DOCK3: variants seen among roughly 807,000 people sequenced by gnomAD.
The protein encoded by DOCK3 is dedicator of cytokinesis 3, also known as dedicator of cytokinesis protein 3.
A neutral mutation model predicts 265.6 loss-of-function variants in DOCK3; 60 were observed. The ratio of observed to expected loss-of-function variants is 0.23; its 90% CI spans 0.18 to 0.28. The LOEUF (loss-of-function observed/expected upper bound fraction) is 0.28. Ranked by LOEUF, DOCK3 falls within the 10% of genes least tolerant of loss-of-function variation. The pLI is 1.00. For missense variants in DOCK3, 1,981 were observed against 2,594.3 expected (o/e 0.76, Z 5.14); for synonymous variants, 881 against 938.0 (o/e 0.94, Z 1.11).
chr3:51,260,060 A>G, intron 22 of DOCK3, 96 bp from the exon 23 acceptor site: 3 of 1,261,624 alleles, frequency 2.4e-6, no homozygotes, highest in South Asian at 1.7e-5. Flanking sequence ...TGATTTTGGT[A>G]TAGAAACTGC....
At chr3:50,850,485 C>T (rs1158861853) in intron 3 of DOCK3, among the ~76,000 whole-genome samples, 2 of 152,004 alleles carry the variant, frequency 1.3e-5, no homozygotes, top group African/African-American at 4.8e-5. Context: ...TCTGTCATTT[C>T]TGAGTCTCCA....
At chr3:50,846,561 A>G (rs2046091968) in intron 3 of DOCK3, among the ~76,000 whole-genome samples, 1 of 152,138 alleles carries the variant, frequency 6.6e-6, no homozygotes, top group Admixed American at 6.5e-5. Context: ...GATGTTTTGG[A>G]ATAGTTTCAG....
At chr3:50,803,969 C>T (rs2043232189) in intron 2 of DOCK3, among the ~76,000 whole-genome samples, 1 of 152,046 alleles carries the variant, frequency 6.6e-6, no homozygotes, top group African/African-American at 2.4e-5. Flanking sequence ...CAGAGGGGCT[C>T]CTCACTTCTC....
At chr3:51,193,492 G>A (rs1236006557) in intron 12 of DOCK3, among the ~76,000 whole-genome samples, 1 of 152,082 alleles carries the variant, frequency 6.6e-6, no homozygotes, top group Non-Finnish European at 1.5e-5. Flanking sequence ...AAGACAATTG[G>A]TATTAGTTCT....
intron 5 of DOCK3, among the ~76,000 whole-genome samples, chr3:50,983,066 TCA>T (rs2077755297): frequency 6.6e-6 from 1 of 152,196 alleles, no homozygotes; most frequent in South Asian, 2.1e-4. Flanking sequence ...CCAGGCACTG[TCA>T]CAGCCCAGCC....
At chr3:50,959,119 A>C (rs1395506919) in intron 5 of DOCK3, among the ~76,000 whole-genome samples, 1 of 152,074 alleles carries the variant, frequency 6.6e-6, no homozygotes, top group Non-Finnish European at 1.5e-5. Context: ...GTAGATTTAC[A>C]TTTTCTGTGC....
chr3:51,107,202 C>A (rs762548548), intron 9 of DOCK3, among the ~76,000 whole-genome samples: 3 of 152,006 alleles, frequency 2.0e-5, no homozygotes, highest in African/African-American at 7.3e-5. Flanking sequence ...GAAAAAAAAA[C>A]CATCCAAAGG....
intron 9 of DOCK3, among the ~76,000 whole-genome samples, chr3:51,140,760 A>G (rs1451980812): frequency 1.3e-5 from 2 of 152,222 alleles, no homozygotes; most frequent in East Asian, 3.9e-4. Flanking sequence ...GTCAGCACTT[A>G]TGATTATCTA....
chr3:51,035,153 A>AT (rs1370055681), intron 5 of DOCK3, among the ~76,000 whole-genome samples: 2 of 152,028 alleles, frequency 1.3e-5, no homozygotes, highest in Non-Finnish European at 2.9e-5. Context: ...ATATTGGGAA[A>AT]TTGTCATTAT....
At chr3:50,952,199 A>G (rs1222107898) in intron 5 of DOCK3, among the ~76,000 whole-genome samples, 2 of 152,170 alleles carry the variant, frequency 1.3e-5, no homozygotes, top group Admixed American at 6.6e-5. Context: ...TGACAGCAGC[A>G]TATTAAAAAG....
chr3:50,745,890 C>A lies in DOCK3; in HGVS notation c.38-32785C>A, dbSNP rs752634380. Among the ~76,000 whole-genome samples, 4 of 152,114 alleles carry A rather than the reference C, an allele frequency of 2.6e-5. No homozygotes were observed. The South Asian group carries it at 6.2e-4, about 24-fold the overall frequency. The stretch of plus-strand genomic sequence containing the variant: ...TTTATTCCAGTTTCCTGTTTGTTTT[C>A]TTTTCAGGGGAGGGACCAACTCATA... On this transcript the variant is annotated intron_variant, in intron 1 of 52. Transcript: ENST00000266037.
chr3:51,139,384 T>C (rs1386999899), intron 9 of DOCK3, among the ~76,000 whole-genome samples: 1 of 152,138 alleles, frequency 6.6e-6, no homozygotes, highest in Non-Finnish European at 1.5e-5. Flanking sequence ...TGTCACCAAA[T>C]TAGAAGGTTG....
At chr3:51,131,984 C>T (rs533256834) in intron 9 of DOCK3, among the ~76,000 whole-genome samples, 1 of 152,262 alleles carries the variant, frequency 6.6e-6, no homozygotes, top group African/African-American at 2.4e-5. Flanking sequence ...CTTCTGGACC[C>T]TCCCAGCTGG....
At chr3:51,020,355 A>G (rs2079532209) in intron 5 of DOCK3, among the ~76,000 whole-genome samples, 1 of 151,780 alleles carries the variant, frequency 6.6e-6, no homozygotes, top group Admixed American at 6.6e-5. Context: ...AGTTCCTTAT[A>G]GATGGTGGAT....
At chr3:51,265,736 C>T (rs1034276823) in intron 23 of DOCK3, among the ~76,000 whole-genome samples, 2 of 152,080 alleles carry the variant, frequency 1.3e-5, no homozygotes, top group African/African-American at 4.8e-5. Flanking sequence ...AAACCCACAG[C>T]CAATATACTG....
At chr3:50,976,991 G>T (rs1375473786) in intron 5 of DOCK3, among the ~76,000 whole-genome samples, 1 of 149,182 alleles carries the variant, frequency 6.7e-6, no homozygotes, top group Non-Finnish European at 1.5e-5. Flanking sequence ...TTTTCCATTT[G>T]CTTGGTAGAT....
chr3:50,969,993 A>T (rs1272190253), intron 5 of DOCK3, among the ~76,000 whole-genome samples: 1 of 151,876 alleles, frequency 6.6e-6, no homozygotes, highest in Non-Finnish European at 1.5e-5. Flanking sequence ...AATGGTGTAA[A>T]CCCGGGAGGC....
chr3:50,889,066 G>GGGGGGTGT (rs869046567), intron 3 of DOCK3, among the ~76,000 whole-genome samples: 11 of 134,190 alleles, frequency 8.2e-5, no homozygotes, highest in African/African-American at 3.0e-4. Context: ...TTAAGCCATG[G>GGGGGGTGT]GTGTGTGTGT....
chr3:50,822,859 G>A (rs1285465580), intron 2 of DOCK3, among the ~76,000 whole-genome samples: 3 of 152,114 alleles, frequency 2.0e-5, no homozygotes, highest in Admixed American at 2.0e-4. Context: ...ACTTACTAAT[G>A]ACACTTAACA....
Sources: gnomAD v4.1 joint callset for allele counts (sites outside exome capture counted in the v4.1 genomes callset) on GRCh38, gnomAD v4.1.1 for gene constraint, MANE v1.5 for transcripts, NCBI Gene and HGNC (gene_info 2026-07-23, HGNC 2026-07-21) for gene names.